The following TNS1 variants were observed in gnomAD, a reference collection of about 807,000 sequenced individuals.
The protein encoded by TNS1 is tensin-1.
A neutral mutation model predicts 168.6 loss-of-function variants in TNS1; 62 were observed. That is an observed-to-expected ratio of 0.37 (90% CI 0.30 to 0.45). The LOEUF is 0.45. Among genes scored for constraint, TNS1 ranks in the 20% least tolerant of loss-of-function variants. The pLI, the probability that TNS1 is intolerant of heterozygous loss-of-function variation, is 1.00. For missense variants in TNS1, 2,240 were observed against 2,339.4 expected (o/e 0.96, Z 0.88); for synonymous variants, 934 against 933.2 (o/e 1.00, Z -0.02).
At chr2:217,964,775 C>A (rs1170484790) in intron 3 of TNS1, among the ~76,000 whole-genome samples, 1 of 152,228 alleles carries the variant, frequency 6.6e-6, no homozygotes, top group Non-Finnish European at 1.5e-5. Flanking sequence ...CCCCTGGACA[C>A]CCTCGCTTGG....
At chr2:217,894,709 C>T (rs1000520499) in intron 9 of TNS1, among the ~76,000 whole-genome samples, 2 of 152,098 alleles carry the variant, frequency 1.3e-5, no homozygotes, top group Non-Finnish European at 2.9e-5. Context: ...TCGAAAGCAG[C>T]GGCTCCCAAC....
At chr2:217,815,607 G>C (rs1041119584) in intron 24 of TNS1, among the ~76,000 whole-genome samples, 4 of 152,134 alleles carry the variant, frequency 2.6e-5, no homozygotes, top group African/African-American at 9.7e-5. Context: ...TGGAGGGCCT[G>C]GCACTGCATT....
rs142832796 is a variant in TNS1 at position 217,955,172 on chromosome 2, C to A, written c.186+23593G>T. Among the ~76,000 whole-genome samples, 87 of 152,336 alleles carry A rather than the reference C, an allele frequency of 5.7e-4. No individual in the cohort carries two copies. In the East Asian group the frequency reaches 0.013, roughly 23 times the overall value. ...GGCCAAGATAAGTGGCTCCAGGCAT[C>A]CTCAGCACGTTCCAGCCTCAGTGTC... On this transcript the variant is annotated intron_variant, in intron 3 of 32. Coordinates refer to ENST00000682258, the MANE Select transcript of TNS1 (RefSeq NM_001387777.1).
intron 3 of TNS1, among the ~76,000 whole-genome samples, chr2:217,932,470 T>G (rs1038183678): frequency 1.3e-5 from 2 of 152,192 alleles, no homozygotes; most frequent in African/African-American, 4.8e-5. Flanking sequence ...TAGGAGATGT[T>G]ACTTCCCTCT....
At position 217,813,777 on chromosome 2, in the gene TNS1, A is replaced by T. The variant is rs1411335259; in HGVS notation, c.4769T>A (p.Ile1590Asn). 1 of 1,613,754 alleles carries T rather than the reference A, an allele frequency of 6.2e-7. No homozygotes were observed. Among genetic ancestry groups the T allele is most frequent in the African/African-American group, 1.3e-5 (1 of 74,930 alleles). Residue 1590 changes from isoleucine (I) to asparagine (N), a missense_variant, in exon 26 of 33, where the codon ATC becomes AAC. This residue lies in a region of TNS1 where 2,131 missense variants were observed against 2,171.2 expected (regional missense o/e 0.98). Coordinates refer to ENST00000682258, the MANE Select transcript of TNS1 (RefSeq NM_001387777.1). This position sits in a 1 kb window ranked among gnomAD's most constrained non-coding sequence, Gnocchi z 4.0. ...LLKDQEPGAF[I>N]IRDSHSFRGA... is the part of the protein sequence containing the mutation. ...TCGGAAGGAGTGACTGTCGCGGATG[A>T]TGAAGGCCCCCGGCTCCTGGTCCTT...
At chr2:217,950,073 C>T (rs1443711940) in intron 3 of TNS1, among the ~76,000 whole-genome samples, 1 of 152,178 alleles carries the variant, frequency 6.6e-6, no homozygotes, top group Non-Finnish European at 1.5e-5. Flanking sequence ...CCACCAGACA[C>T]CATCAGAAAT....
intron 19 of TNS1, among the ~76,000 whole-genome samples, chr2:217,847,232 A>G (rs1946773333): frequency 6.6e-6 from 1 of 152,168 alleles, no homozygotes; most frequent in South Asian, 2.1e-4. Context: ...ATTACTCTCT[A>G]ATGAAATCAT....
intron 7 of TNS1, among the ~76,000 whole-genome samples, chr2:217,899,028 G>A (rs1952639965): frequency 6.6e-6 from 1 of 152,226 alleles, no homozygotes; most frequent in South Asian, 2.1e-4. Context: ...GGGATAAAGT[G>A]GAGAGTGGAG....
At chr2:218,023,337 C>T (rs550069188) in intron 1 of TNS1, among the ~76,000 whole-genome samples, 2 of 152,340 alleles carry the variant, frequency 1.3e-5, no homozygotes, top group South Asian at 2.1e-4. Context: ...TCAACTTCCC[C>T]CTCTGTGAAA....
rs116753623 is a variant in TNS1 at position 217,857,770 on chromosome 2, G to C, written c.1430-8683C>G. The stretch of plus-strand genomic sequence containing the variant: ...GACCCAGCCTCCTGACTCCGGCCTG[G>C]CCTGTGTTCCCCCCAGCCTGAAGCT... On this transcript the variant is annotated intron_variant, in intron 18 of 32. Coordinates refer to ENST00000682258, the MANE Select transcript of TNS1 (RefSeq NM_001387777.1). 7.9e-3 allele frequency among the ~76,000 whole-genome samples: 1,205 copies of C among 152,278 alleles called. 15 individuals carry two copies. The highest frequency in any genetic ancestry group is 0.027 in the African/African-American group (1,140 of 41,540).
chr2:217,906,366 C>G lies in TNS1; in HGVS notation c.290G>C (p.Gly97Ala), dbSNP rs2125789228. Residue 97 changes from glycine to alanine, a missense_variant, in exon 6 of 33, where the codon GGT (glycine) becomes GCT (alanine). By Grantham distance (60) the Gly-to-Ala change is moderately conservative. Transcript: ENST00000682258. The part of the protein sequence containing the change: ...VVDKGEGASR[G>A]GNTRKSLEDN... ...CTCGAGGCTTTTCCGTGTGTTTCCA[C>G]CCCGGGAGGCTCCTTCTCCCTGCAG... is the stretch of plus-strand genomic sequence containing the variant. The G allele has an allele frequency of 1.4e-6, 1 of 701,876 alleles. No individual in the cohort carries two copies. The highest frequency in any genetic ancestry group is 2.6e-6 in the Non-Finnish European group (1 of 384,452). 43.5% of individuals were successfully genotyped at this position (701,876 alleles called of 1,614,324 possible).
In TNS1 at chr2:218,032,370, A is replaced by AG. The variant is rs1958905279; in HGVS notation, c.156+1449dup. On this transcript the variant is annotated intron_variant, in intron 1 of 1. Transcript: ENST00000649572. The surrounding 1 kb of genome is among the most constrained non-coding windows in gnomAD (Gnocchi z 4.0). ...CTTGTGGAGGAGGAGGCAGCATGAC[A>AG]GGGGAAGGGGGCGATGTGGCCTGGG... is the stretch of plus-strand genomic sequence containing the variant. Among the ~76,000 whole-genome samples the AG allele has an allele frequency of 6.6e-6, 1 of 152,174 alleles. No homozygotes were observed. Among genetic ancestry groups the AG allele is most frequent in the Non-Finnish European group, 1.5e-5 (1 of 68,026 alleles).
At chr2:217,937,424 A>G (rs1357566030) in intron 3 of TNS1, among the ~76,000 whole-genome samples, 1 of 152,068 alleles carries the variant, frequency 6.6e-6, no homozygotes, top group Non-Finnish European at 1.5e-5. Flanking sequence ...CCCAAATCAT[A>G]GCCCGAACCC....
intron 3 of TNS1, among the ~76,000 whole-genome samples, chr2:217,924,371 G>A (rs929185540): frequency 6.6e-6 from 1 of 151,604 alleles, no homozygotes; most frequent in Admixed American, 6.6e-5. Context: ...TCATATCTCT[G>A]CCTTCACAGA....
In TNS1 at chr2:217,809,891, C is replaced by T. The variant is rs13417442; in HGVS notation, c.5205G>A (p.Thr1735=). The change falls in exon 30 of 33, where the codon ACG becomes ACA. Residue 1735 remains threonine, a synonymous_variant. Transcript: ENST00000682258. ...TGAAGTGAACGATGGTGGCAGCTGG[C>T]GTGGGGTCTGCAGCCAACGTCTCAG... ...ATSETLAADP[T]PAATIVHFKV... is the part of the protein sequence containing the mutation. 125,474 of 1,613,788 alleles carry T rather than the reference C, an allele frequency of 0.078. 5,381 individuals are homozygous for T. The highest frequency in any genetic ancestry group is 0.12 in the South Asian group (10,884 of 91,042).
intron 4 of TNS1, among the ~76,000 whole-genome samples, chr2:217,913,163 A>C (rs1392883862): frequency 6.6e-6 from 1 of 152,162 alleles, no homozygotes; most frequent in Non-Finnish European, 1.5e-5. Context: ...TGGGACCCTG[A>C]AGTATATCTG....
intron 3 of TNS1, among the ~76,000 whole-genome samples, chr2:217,938,119 C>G (rs969470506): frequency 6.6e-6 from 1 of 152,162 alleles, no homozygotes; most frequent in African/African-American, 2.4e-5. Context: ...AGGAACACTC[C>G]CCAGCTGTCA....
In TNS1 at chr2:217,813,769, C is replaced by T. The variant is rs777896296; in HGVS notation, c.4777G>A (p.Asp1593Asn). ...DQEPGAFIIRDSHSFRGAYGL... is the reference protein window; with the variant it reads ...DQEPGAFIIRNSHSFRGAYGL... ...TACGCGCCTCGGAAGGAGTGACTGT[C>T]GCGGATGATGAAGGCCCCCGGCTCC... The change falls in exon 26 of 33, where the codon GAC becomes AAC. Residue 1593 changes from aspartate (D) to asparagine (N), a missense_variant. Physicochemically the swap from Asp to Asn is conservative, Grantham distance 23 (BLOSUM62 1). Transcript: ENST00000682258. This position sits in a 1 kb window ranked among gnomAD's most constrained non-coding sequence, Gnocchi z 4.0. The T allele has an allele frequency of 3.5e-5, 56 of 1,613,786 alleles. No individual in the cohort carries two copies. The highest frequency in any genetic ancestry group is 4.5e-5 in the Non-Finnish European group (53 of 1,179,876).
chr2:217,843,020 T>C (rs538854419), intron 19 of TNS1, among the ~76,000 whole-genome samples: 3 of 152,284 alleles, frequency 2.0e-5, no homozygotes, highest in African/African-American at 7.2e-5. Context: ...AGGATCTTTA[T>C]TTGCCACCAT....
Sources: gnomAD v4.1 joint callset for allele counts (sites outside exome capture counted in the v4.1 genomes callset) on GRCh38, gnomAD v4.1.1 for gene constraint, gnomAD v4.1.1 regional missense constraint, Gnocchi (gnomAD v3.1) non-coding constraint, MANE v1.5 for transcripts, NCBI Gene and HGNC (gene_info 2026-07-23, HGNC 2026-07-21) for gene names.